The following DOCK8 variants were observed in gnomAD, a reference collection of about 807,000 sequenced individuals.
DOCK8 encodes the protein dedicator of cytokinesis 8, also known as dedicator of cytokinesis protein 8.
A neutral mutation model predicts 245.6 loss-of-function variants in DOCK8; 141 were observed. That is an observed-to-expected ratio of 0.57 (90% CI 0.50 to 0.66). DOCK8 has a LOEUF of 0.66. Among genes scored for constraint, DOCK8 ranks in the 30% least tolerant of loss-of-function variants. The pLI is 0.00. For synonymous variants in DOCK8, 1,168 were observed against 970.2 expected (o/e 1.20, Z -3.79); for missense variants, 2,965 against 2,603.4 (o/e 1.14, Z -3.02).
intron 1 of DOCK8, among the ~76,000 whole-genome samples, chr9:218,203 G>A (rs1233874823): frequency 6.6e-6 from 1 of 152,036 alleles, no homozygotes; most frequent in African/African-American, 2.4e-5. Flanking sequence ...TTCAGCATGT[G>A]CTCATGTTTT....
At chr9:291,781 T>C (rs2049050059) in intron 4 of DOCK8, among the ~76,000 whole-genome samples, 1 of 151,604 alleles carries the variant, frequency 6.6e-6, no homozygotes, top group African/African-American at 2.4e-5. Flanking sequence ...TCAAACATTA[T>C]GCCGGGCGCA....
chr9:400,079 CCACCA>C (rs2054729631), intron 26 of DOCK8, among the ~76,000 whole-genome samples: 1 of 118,572 alleles, frequency 8.4e-6, no homozygotes, highest in African/African-American at 4.0e-5. Context: ...ATCACCATCA[CCACCA>C]CCTCCACCAT....
At chr9:237,585 G>C (rs1031199719) in intron 1 of DOCK8, among the ~76,000 whole-genome samples, 11 of 152,190 alleles carry the variant, frequency 7.2e-5, no homozygotes, top group Non-Finnish European at 1.3e-4. Context: ...AGCCTGGGAG[G>C]TTGAGGCTTC....
Position 406,488 on chromosome 9 carries a change from CAAAAAAA to C in DOCK8, c.3391-426_3391-420del, listed in dbSNP as rs202229906. ...GGTAACAGAGTGACACTCTGTCTTTCAAAAAAAAAAAAAAAAAAAAAAGAAGGTACCT... is the reference window on the plus strand; with the variant it reads ...GGTAACAGAGTGACACTCTGTCTTTCAAAAAAAAAAAAAAAGAAGGTACCT... On this transcript the variant is annotated intron_variant, in intron 27 of 47. Transcript: ENST00000432829. Among the ~76,000 whole-genome samples the C allele has an allele frequency of 2.7e-3, 259 of 95,262 alleles. 3 individuals carry two copies. Among genetic ancestry groups the C allele is most frequent in the Middle Eastern group, 0.011 (2 of 190 alleles). 62.5% of individuals were successfully genotyped at this position (95,262 alleles called of 152,430 possible). A position where few individuals can be genotyped will look rare whatever the true frequency, so the allele number is the denominator to read the frequency against.
intron 2 of DOCK8, among the ~76,000 whole-genome samples, chr9:285,243 C>G (rs574648366): frequency 6.6e-6 from 1 of 152,290 alleles, no homozygotes; most frequent in South Asian, 2.1e-4. Flanking sequence ...TCTCCATTCT[C>G]TGATCTTATT....
intron 1 of DOCK8, chr9:215,400 C>A: frequency 6.5e-7 from 1 of 1,547,366 alleles, no homozygotes. Context: ...GTCTCATAAA[C>A]GGCTCCTTCC....
At chr9:450,418 C>G (rs2057390606) in intron 45 of DOCK8, among the ~76,000 whole-genome samples, 1 of 152,168 alleles carries the variant, frequency 6.6e-6, no homozygotes, top group Non-Finnish European at 1.5e-5. Flanking sequence ...GACCTGACTT[C>G]TTAGGCTACT....
chr9:278,427 C>G (rs912650663), intron 2 of DOCK8, among the ~76,000 whole-genome samples: 1 of 152,232 alleles, frequency 6.6e-6, no homozygotes, highest in African/African-American at 2.4e-5. Context: ...TCAGGAACTG[C>G]TGGCACAGCA....
At chr9:410,756 A>T (rs1169101156) in intron 28 of DOCK8, among the ~76,000 whole-genome samples, 1 of 152,240 alleles carries the variant, frequency 6.6e-6, no homozygotes, top group African/African-American at 2.4e-5. Flanking sequence ...ATAGAAAAAC[A>T]ATCACGGAAA....
chr9:442,113 T>C, intron 42 of DOCK8, 104 bp downstream of exon 42: 1 of 1,505,364 alleles, frequency 6.6e-7, no homozygotes, highest in Non-Finnish European at 9.1e-7. Context: ...GGATTCATCA[T>C]TGATCTCTAC....
rs1407640744 is a variant in DOCK8 at position 461,085 on chromosome 9, T to G, written c.6069-2432T>G. Among the ~76,000 whole-genome samples, 3 of 152,214 alleles carry G rather than the reference T, an allele frequency of 2.0e-5. No homozygotes were observed. The East Asian group carries it at 5.8e-4, about 29-fold the overall frequency. On this transcript the variant is annotated intron_variant, in intron 46 of 47. Transcript: ENST00000432829. ...TTCATCATGTTTAAATAACGTGATT[T>G]TCTTCTTTGGTGTGTACCGTACCGT...
At chr9:339,183 A>G (rs2051456736) in intron 13 of DOCK8, 84 bp downstream of exon 13, 7 of 1,183,572 alleles carry the variant, frequency 5.9e-6, no homozygotes, top group South Asian at 5.0e-5. Context: ...GCCAGAATTT[A>G]TAAAATCATG....
chr9:452,994 T>C (rs2057515888), intron 46 of DOCK8: 1 of 152,244 alleles, frequency 6.6e-6, no homozygotes, highest in Admixed American at 6.5e-5. Flanking sequence ...AATATTTCTT[T>C]CTATTCAAAA....
At chr9:324,307 G>T (rs1437371956) in intron 7 of DOCK8, among the ~76,000 whole-genome samples, 1 of 152,126 alleles carries the variant, frequency 6.6e-6, no homozygotes, top group South Asian at 2.1e-4. Context: ...CATTGATGAG[G>T]ACATCCTCTC....
In DOCK8 at chr9:434,831, C is replaced by G. The variant is rs758758959; in HGVS notation, c.4935C>G (p.Leu1645=). ...CTCCTGATCTGCGGCTGACCTGGCT[C>G]CAGAACATGGCAGAGAAACACACCA... is the stretch of plus-strand genomic sequence containing the variant. ...QASPDLRLTW[L]QNMAEKHTKK... The change falls in exon 39 of 48, where the codon CTC becomes CTG. Residue 1645 remains leucine (L), a synonymous_variant. Transcript: ENST00000432829. The G allele has an allele frequency of 2.5e-6, 4 of 1,614,044 alleles. No homozygotes were observed. In the East Asian group the frequency reaches 6.7e-5, roughly 27 times the overall value.
intron 1 of DOCK8, among the ~76,000 whole-genome samples, chr9:216,581 A>G (rs957751775): frequency 1.3e-5 from 2 of 150,698 alleles, no homozygotes; most frequent in African/African-American, 4.9e-5. Flanking sequence ...GAAGTATATC[A>G]GGGATCTCCC....
intron 14 of DOCK8, among the ~76,000 whole-genome samples, chr9:359,186 T>A (rs1274561677): frequency 2.6e-5 from 4 of 152,206 alleles, no homozygotes; most frequent in Non-Finnish European, 4.4e-5. Flanking sequence ...AAAAACCTCA[T>A]AGTTTATTTG....
Position 420,412 on chromosome 9 carries a change from G to A in DOCK8, c.3852G>A (p.Gln1284=), listed in dbSNP as rs141291637. The A allele has an allele frequency of 2.9e-5, 47 of 1,614,126 alleles. No individual in the cohort carries two copies. In the African/African-American group the frequency reaches 4.4e-4, roughly 15 times the overall value. Residue 1284 remains glutamine, a synonymous_variant, in exon 31 of 48, where the codon CAG becomes CAA. Coordinates refer to ENST00000432829, the MANE Select transcript of DOCK8 (RefSeq NM_203447.4). ...GIVLSSLPYK[Q]YNMLNADTTR... ...CTGCCTCCCTTCAGCCCTATAAGCAGTACAACATGCTGAACGCGGACACTA... is the reference window on the plus strand; with the variant it reads ...CTGCCTCCCTTCAGCCCTATAAGCAATACAACATGCTGAACGCGGACACTA...
At chr9:306,165 G>C (rs1003734922) in intron 5 of DOCK8, among the ~76,000 whole-genome samples, 1 of 152,172 alleles carries the variant, frequency 6.6e-6, no homozygotes, top group Non-Finnish European at 1.5e-5. Flanking sequence ...GCTTCCATGT[G>C]TCTTCATAAT....
Sources: gnomAD v4.1 joint callset for allele counts (sites outside exome capture counted in the v4.1 genomes callset) on GRCh38, gnomAD v4.1.1 for gene constraint, MANE v1.5 for transcripts, NCBI Gene and HGNC (gene_info 2026-07-23, HGNC 2026-07-21) for gene names.